Variants in DYTN observed in about 807,000 individuals in gnomAD.
The protein encoded by DYTN is dystrotelin.
A neutral mutation model predicts 69.6 loss-of-function variants in DYTN; 75 were observed. The observed-to-expected ratio is 1.08, with a 90% confidence interval of 0.89 to 1.31. The LOEUF is 1.31. Ranked by LOEUF, DYTN falls within the 50% of genes most tolerant of loss-of-function variation. The pLI is 0.00. For synonymous variants in DYTN, 252 were observed against 249.1 expected, an observed-to-expected ratio of 1.01 and a Z score of -0.11; for missense variants, 726 against 688.4, an observed-to-expected ratio of 1.05 and a Z score of -0.61.
At chr2:206,662,841 T>C (rs749823339) in intron 11 of DYTN, 62 bp downstream of exon 11, 60 of 1,541,128 alleles carry the variant, frequency 3.9e-5, no homozygotes, top group Middle Eastern at 3.5e-4. Flanking sequence ...TAAAATCAAG[T>C]TTTTAAAAAG....
In DYTN at chr2:206,705,814, C is replaced by T. The variant is rs1221725800; in HGVS notation, c.356G>A (p.Gly119Glu). ...PAAAALITLS[G>E]DSPLSKYRAL... is the part of the protein sequence containing the mutation. ...TCGGTATTTTGAAAGAGGGCTGTCT[C>T]CTGAGAGGGTTATTAGGGCAGCGGC... The change falls in exon 4 of 12, where the codon GGA becomes GAA. Residue 119 changes from glycine to glutamate, a missense_variant. By Grantham distance (98) the Gly-to-Glu change is moderately conservative. Coordinates refer to ENST00000452335, the MANE Select transcript of DYTN (RefSeq NM_001093730.1). 6.2e-7 allele frequency: 1 copy of T among 1,613,842 alleles called. No homozygotes were observed. The highest frequency in any genetic ancestry group is 1.7e-5 in the Admixed American group (1 of 60,022).
chr2:206,691,043 G>T (rs962723934), intron 9 of DYTN, among the ~76,000 whole-genome samples: 9 of 152,202 alleles, frequency 5.9e-5, no homozygotes, highest in African/African-American at 1.9e-4. Flanking sequence ...GGATGAGTGG[G>T]TGAGAAGTGC....
intron 11 of DYTN, among the ~76,000 whole-genome samples, chr2:206,658,623 C>G (rs1699474133): frequency 6.6e-6 from 1 of 152,126 alleles, no homozygotes; most frequent in South Asian, 2.1e-4. Context: ...AGCCCAGTCC[C>G]TTGGACAGCC....
At chr2:206,694,621 G>T in intron 8 of DYTN, 145 bp downstream of exon 8, 3 of 527,316 alleles carry the variant, frequency 5.7e-6, no homozygotes, top group Admixed American at 3.8e-5. Flanking sequence ...TATTCAAGGT[G>T]GAGTTTGCCA....
At position 206,652,028 on chromosome 2, in the gene DYTN, C is replaced by T. The variant is rs184245912; in HGVS notation, c.1634-107G>A. 4.1e-4 allele frequency: 429 copies of T among 1,041,752 alleles called. 1 individual carries two copies. Among genetic ancestry groups the T allele is most frequent in the Admixed American group, 3.6e-3 (132 of 36,358 alleles). The allele number at this position is 1,041,752 out of a possible 1,614,324, so 64.5% of individuals were successfully genotyped here. ...AGAAGAAACAGAATCCATTTTTCTT[C>T]AGTTCTCAAGGACAATGTCCTTAAG... is the stretch of plus-strand genomic sequence containing the variant. On this transcript the variant is annotated intron_variant, in intron 11 of 11. Transcript: ENST00000452335.
At chr2:206,711,023 G>T (rs982359889) in intron 1 of DYTN, among the ~76,000 whole-genome samples, 2 of 152,120 alleles carry the variant, frequency 1.3e-5, no homozygotes, top group Non-Finnish European at 2.9e-5. Context: ...TATTTATTGA[G>T]CCCTTAGTAT....
rs1387118193 is a variant in DYTN at position 206,699,810 on chromosome 2, G to C, written c.636C>G (p.Thr212=). Reference sequence around the variant, plus strand: ...TTTCAGCAGCTGATAACCGGTGGCAGGTCGGGAGCCACAGGAGGATGGGAG... The same window carrying C: ...TTTCAGCAGCTGATAACCGGTGGCACGTCGGGAGCCACAGGAGGATGGGAG... The part of the protein sequence containing the change: ...SEPPILLWLP[T]CHRLSAAERV... The change falls in exon 7 of 12, where the codon ACC becomes ACG. Residue 212 remains threonine (T), a synonymous_variant. Transcript: ENST00000452335. 1.9e-6 allele frequency: 3 copies of C among 1,613,870 alleles called. No individual in the cohort carries two copies. In the South Asian group the frequency reaches 3.3e-5, roughly 18 times the overall value.
chr2:206,665,880 C>A lies in DYTN; in HGVS notation c.1130G>T (p.Arg377Leu), dbSNP rs369023527. Residue 377 changes from arginine (R) to leucine (L), a missense_variant, in exon 10 of 12, where the codon CGG (arginine) becomes CTG (leucine). Transcript: ENST00000452335. ...CCTCACATTTTATACCTGTAGGTCCCGTCTTATCTGTTGTAGCTTGGTCCA... is the reference window on the plus strand; with the variant it reads ...CCTCACATTTTATACCTGTAGGTCCAGTCTTATCTGTTGTAGCTTGGTCCA... ...SLWTKLQQIR[R>L]DLQARLQPPG... 1 of 1,613,486 alleles carries A rather than the reference C, an allele frequency of 6.2e-7. No homozygotes were observed. The highest frequency in any genetic ancestry group is 8.5e-7 in the Non-Finnish European group (1 of 1,179,684).
intron 7 of DYTN, among the ~76,000 whole-genome samples, chr2:206,697,002 T>C (rs73983092): frequency 2.0e-4 from 31 of 152,326 alleles, no homozygotes; most frequent in African/African-American, 7.5e-4. Context: ...TAGAAAACTT[T>C]AAAAGTTGTT....
chr2:206,662,063 C>T (rs1325247112), intron 11 of DYTN, among the ~76,000 whole-genome samples: 1 of 152,176 alleles, frequency 6.6e-6, no homozygotes, highest in African/African-American at 2.4e-5. Context: ...GCCACATAAT[C>T]ACAAGGGTAA....
chr2:206,663,629 C>T (rs1699538045), intron 10 of DYTN, among the ~76,000 whole-genome samples: 1 of 152,120 alleles, frequency 6.6e-6, no homozygotes, highest in Admixed American at 6.5e-5. Context: ...GGAATAATTA[C>T]AAGAAATTTA....
At chr2:206,678,577 T>C (rs924191975) in intron 9 of DYTN, among the ~76,000 whole-genome samples, 1 of 152,228 alleles carries the variant, frequency 6.6e-6, no homozygotes, top group African/African-American at 2.4e-5. Context: ...TAAATCATAT[T>C]ATGCTTATTT....
intron 11 of DYTN, 96 bp from the exon 12 acceptor site, chr2:206,652,017 C>A: frequency 8.6e-7 from 1 of 1,158,870 alleles, no homozygotes; most frequent in Non-Finnish European, 1.2e-6. Flanking sequence ...GAAACAGAAT[C>A]CATTTTTCTT....
rs28535077 is a variant in DYTN at position 206,675,261 on chromosome 2, G to A, written c.981-9232C>T. ...TATATGTAAATAAACATATATATGT[G>A]TATATATGTATGTATGTTATATTTA... is the stretch of plus-strand genomic sequence containing the variant. On this transcript the variant is annotated intron_variant, in intron 9 of 11. Transcript: ENST00000452335. Among the ~76,000 whole-genome samples the A allele has an allele frequency of 2.9e-5, 4 of 138,664 alleles. No individual in the cohort carries two copies. The South Asian group carries it at 8.7e-4, about 30-fold the overall frequency. The allele number at this position is 138,664 out of a possible 152,430, so 91.0% of individuals were successfully genotyped here.
intron 3 of DYTN, 83 bp from the exon 4 acceptor site, chr2:206,705,956 T>A: frequency 6.9e-7 from 1 of 1,450,202 alleles, no homozygotes; most frequent in Non-Finnish European, 9.5e-7. Context: ...CCATAACTAT[T>A]AATGGGCATT....
chr2:206,667,418 C>T (rs1013533321), intron 9 of DYTN, among the ~76,000 whole-genome samples: 5 of 152,130 alleles, frequency 3.3e-5, no homozygotes, highest in Non-Finnish European at 5.9e-5. Flanking sequence ...CTCAAGGCGC[C>T]TTTTCAGTGA....
Position 206,693,354 on chromosome 2 carries a change from G to A in DYTN, c.832-31C>T, listed in dbSNP as rs527391043. The A allele has an allele frequency of 1.5e-3, 2,341 of 1,603,712 alleles. 44 individuals are homozygous for A. In the South Asian group the frequency reaches 0.025, roughly 17 times the overall value. Reference sequence around the variant, plus strand: ...GAAAGGGCCAACATTTTTAAAAAGCGTCAGATCAGTCTACGTGTGGTCTTC... The same window carrying A: ...GAAAGGGCCAACATTTTTAAAAAGCATCAGATCAGTCTACGTGTGGTCTTC... On this transcript the variant is annotated intron_variant, in intron 8 of 11. Transcript: ENST00000452335.
intron 5 of DYTN, among the ~76,000 whole-genome samples, chr2:206,701,884 T>C (rs535464913): frequency 2.0e-5 from 3 of 152,186 alleles, no homozygotes; most frequent in African/African-American, 7.2e-5. Context: ...TCTCAAAACA[T>C]CATGTCGTAC....
At chr2:206,659,253 G>A (rs1226579866) in intron 11 of DYTN, among the ~76,000 whole-genome samples, 1 of 134,568 alleles carries the variant, frequency 7.4e-6, no homozygotes, top group Admixed American at 8.6e-5. Flanking sequence ...CTCACTGCAA[G>A]CTCCGCCTCC....
Sources: allele counts gnomAD v4.1 joint callset (sites outside exome capture counted in the v4.1 genomes callset), GRCh38; gene constraint gnomAD v4.1.1; transcripts MANE v1.5; gene names NCBI Gene and HGNC (gene_info 2026-07-23, HGNC 2026-07-21).